TLR10: variants seen among roughly 807,000 people sequenced by gnomAD.
TLR10 encodes toll-like receptor 10.
For missense variants in TLR10, 929 were observed against 932.9 expected, an observed-to-expected ratio of 1.00 and a Z score of 0.05; for synonymous variants, 288 against 338.8, an observed-to-expected ratio of 0.85 and a Z score of 1.65.
At position 38,775,594 on chromosome 4, in the gene TLR10, A is replaced by G; in HGVS notation, c.-4T>C. ...AAATGTTTCTGATGAGTCTCATTGT[A>G]TTTCCAAGGATTTTACCACTTATTT... On this transcript the variant is annotated 5_prime_UTR_variant, in exon 4 of 4. Transcript: ENST00000308973. 6.3e-7 allele frequency: 1 copy of G among 1,584,848 alleles called. No individual in the cohort carries two copies. The highest frequency in any genetic ancestry group is 8.6e-7 in the Non-Finnish European group (1 of 1,165,474).
chr4:38,780,886 T>C (rs913007673), intron 1 of TLR10, among the ~76,000 whole-genome samples: 1 of 152,226 alleles, frequency 6.6e-6, no homozygotes, highest in African/African-American at 2.4e-5. Flanking sequence ...GTGCTTTTAA[T>C]GTTATCCTCT....
Position 38,774,287 on chromosome 4 carries a change from T to A in TLR10, c.1304A>T (p.Asp435Val). Residue 435 changes from aspartate (D) to valine (V), a missense_variant, in exon 4 of 4, where the codon GAT (aspartate) becomes GTT (valine). Coordinates refer to ENST00000308973, the MANE Select transcript of TLR10 (RefSeq NM_030956.4). ...TTTGGGCAAGCACCTGAAGACAGAATCAGACAATTTATTGTATGACAGATT... is the reference window on the plus strand; with the variant it reads ...TTTGGGCAAGCACCTGAAGACAGAAACAGACAATTTATTGTATGACAGATT... ...NMNLSYNKLS[D>V]SVFRCLPKSI... 6.2e-7 allele frequency: 1 copy of A among 1,613,282 alleles called. No individual in the cohort carries two copies. Among genetic ancestry groups the A allele is most frequent in the Non-Finnish European group, 8.5e-7 (1 of 1,179,784 alleles).
intron 1 of TLR10, among the ~76,000 whole-genome samples, chr4:38,778,660 C>T (rs11466620): frequency 0.021 from 3,240 of 152,208 alleles, 118 homozygotes; most frequent in African/African-American, 0.071. Context: ...TCTCTGAAGG[C>T]ACCAAGAGCA....
chr4:38,775,819 A>T lies in TLR10; in HGVS notation c.-107T>A, dbSNP rs1464253289. Reference sequence around the variant, plus strand: ...CTTGATCTCAGAGCATTGGCTGAGAAGTCTCCAAGCTGGCTACTGTGCCAT... The same window carrying T: ...CTTGATCTCAGAGCATTGGCTGAGATGTCTCCAAGCTGGCTACTGTGCCAT... On this transcript the variant is annotated 5_prime_UTR_variant, in exon 3 of 4. Coordinates refer to ENST00000308973, the MANE Select transcript of TLR10 (RefSeq NM_030956.4). 4 of 389,540 alleles carry T rather than the reference A, an allele frequency of 1.0e-5. No individual in the cohort carries two copies. The highest frequency in any genetic ancestry group is 1.4e-5 in the Non-Finnish European group (3 of 221,832). The allele number at this position is 389,540 out of a possible 1,614,324, so 24.1% of individuals were successfully genotyped here.
intron 1 of TLR10, among the ~76,000 whole-genome samples, chr4:38,777,933 G>T (rs1725158237): frequency 6.6e-6 from 1 of 152,178 alleles, no homozygotes; most frequent in Non-Finnish European, 1.5e-5. Context: ...ATTTGATCCT[G>T]CAATGCCATT....
chr4:38,778,449 TAAAC>T (rs143881488), intron 1 of TLR10, among the ~76,000 whole-genome samples: 8 of 151,688 alleles, frequency 5.3e-5, no homozygotes, highest in African/African-American at 1.5e-4. Context: ...AATAAATAAA[TAAAC>T]AAACAAACAA....
intron 1 of TLR10, among the ~76,000 whole-genome samples, chr4:38,780,736 AT>A (rs1725356004): frequency 6.6e-6 from 1 of 152,218 alleles, no homozygotes; most frequent in African/African-American, 2.4e-5. Flanking sequence ...AAAAATGAAA[AT>A]TAATGCAAAA....
rs1724751331 is a variant in TLR10 at position 38,773,254 on chromosome 4, T to TA, written c.2336dup (p.Leu780IlefsTer8). ...GTTCATACATTTCTCTGGTGGCTAA[T>TA]ACATTAACATTAATAGCAGCTCGAA... On this transcript the variant is annotated frameshift_variant, in exon 4 of 4. Coordinates refer to ENST00000308973, the MANE Select transcript of TLR10 (RefSeq NM_030956.4). LOFTEE classifies it low-confidence loss of function (END_TRUNC). The TA allele has an allele frequency of 2.5e-6, 4 of 1,610,140 alleles. No individual in the cohort carries two copies. In the South Asian group the frequency reaches 4.4e-5, roughly 18 times the overall value.
In TLR10 at chr4:38,775,329, C is replaced by A. The variant is rs1351486280; in HGVS notation, c.262G>T (p.Asp88Tyr). ...ILCHNRIQQL[D>Y]LKTFEFNKEL... is the part of the protein sequence containing the mutation. ...TTGTTGAATTCAAAGGTTTTGAGATCCAGCTGTTGAATTCTGTTATGGCAT... is the reference window on the plus strand; with the variant it reads ...TTGTTGAATTCAAAGGTTTTGAGATACAGCTGTTGAATTCTGTTATGGCAT... Residue 88 changes from aspartate (D) to tyrosine (Y), a missense_variant, in exon 4 of 4, where the codon GAT becomes TAT. Coordinates refer to ENST00000308973, the MANE Select transcript of TLR10 (RefSeq NM_030956.4). The A allele has an allele frequency of 6.2e-7, 1 of 1,614,044 alleles. No homozygotes were observed. Among genetic ancestry groups the A allele is most frequent in the South Asian group, 1.1e-5 (1 of 91,062 alleles).
rs765764230 is a variant in TLR10 at position 38,773,342 on chromosome 4, T to C, written c.2249A>G (p.Glu750Gly). The change falls in exon 4 of 4, where the codon GAA becomes GGA. Residue 750 changes from glutamate (E) to glycine (G), a missense_variant. By Grantham distance (98) the Glu-to-Gly change is moderately conservative (BLOSUM62 -2). Coordinates refer to ENST00000308973, the MANE Select transcript of TLR10 (RefSeq NM_030956.4). The part of the protein sequence containing the change: ...TRYHKLKALL[E>G]KKAYLEWPKD... ...GGGCCATTCCAAGTATGCTTTTTTTTCCAGGAGAGCTTTCAGTTTATGATA... is the reference window on the plus strand; with the variant it reads ...GGGCCATTCCAAGTATGCTTTTTTTCCCAGGAGAGCTTTCAGTTTATGATA... 6.2e-7 allele frequency: 1 copy of C among 1,613,810 alleles called. No individual in the cohort carries two copies. The highest frequency in any genetic ancestry group is 8.5e-7 in the Non-Finnish European group (1 of 1,179,960).
chr4:38,775,592 G>T lies in TLR10; in HGVS notation c.-2C>A. On this transcript the variant is annotated 5_prime_UTR_variant, in exon 4 of 4. Transcript: ENST00000308973. ...GTAAATGTTTCTGATGAGTCTCATT[G>T]TATTTCCAAGGATTTTACCACTTAT... 2.5e-6 allele frequency: 4 copies of T among 1,590,774 alleles called. No individual in the cohort carries two copies. Among genetic ancestry groups the T allele is most frequent in the Non-Finnish European group, 3.4e-6 (4 of 1,168,312 alleles).
intron 1 of TLR10, among the ~76,000 whole-genome samples, chr4:38,779,440 G>C (rs1725259954): frequency 6.6e-6 from 1 of 152,108 alleles, no homozygotes; most frequent in East Asian, 1.9e-4. Context: ...AGAGTGTAAT[G>C]TATACTAAAA....
At position 38,774,658 on chromosome 4, in the gene TLR10, C is replaced by G; in HGVS notation, c.933G>C (p.Val311=). ...AGATTTTATCCTGTTGAATGTAAAA[C>G]ACTCTGAAATGTACATGCTCCAATT... ...TIKLEHVHFR[V]FYIQQDKIYL... Residue 311 remains valine, a synonymous_variant, in exon 4 of 4, where the codon GTG becomes GTC. Transcript: ENST00000308973. 1 of 1,564,246 alleles carries G rather than the reference C, an allele frequency of 6.4e-7. No individual in the cohort carries two copies. Among genetic ancestry groups the G allele is most frequent in the Non-Finnish European group, 8.6e-7 (1 of 1,160,932 alleles).
intron 1 of TLR10, among the ~76,000 whole-genome samples, chr4:38,780,799 G>A (rs7658893): frequency 0.33 from 50,785 of 152,092 alleles, 9,905 homozygotes; most frequent in East Asian, 0.5. Flanking sequence ...GATCAGTATT[G>A]CTGATTGTTT....
At chr4:38,781,893 T>TG (rs909842329) in intron 1 of TLR10, among the ~76,000 whole-genome samples, 3 of 152,164 alleles carry the variant, frequency 2.0e-5, no homozygotes, top group African/African-American at 7.2e-5. Flanking sequence ...AATCCCTCAA[T>TG]GACTCAACAA....
At chr4:38,780,460 A>T (rs1579184118) in intron 1 of TLR10, among the ~76,000 whole-genome samples, 1 of 150,716 alleles carries the variant, frequency 6.6e-6, no homozygotes, top group Admixed American at 6.6e-5. Context: ...TTCAAATCCA[A>T]TGTTAACCAT....
rs1008727771 is a variant in TLR10, at chr4:38,773,683, T to C, written c.1908A>G (p.Ala636=). 1.9e-6 allele frequency: 3 copies of C among 1,613,314 alleles called. No individual in the cohort carries two copies. Among genetic ancestry groups the C allele is most frequent in the Middle Eastern group, 1.7e-4 (1 of 6,058 alleles). ...EQLKRNVRFH[A]FISYSEHDSL... is the part of the protein sequence containing the mutation. The stretch of plus-strand genomic sequence containing the variant: ...AATCATGTTCACTGTATGAAATAAA[T>C]GCGTGGAATCGGACATTTCTCTTGA... Residue 636 remains alanine, a synonymous_variant, in exon 4 of 4, where the codon GCA becomes GCG. Coordinates refer to ENST00000308973, the MANE Select transcript of TLR10 (RefSeq NM_030956.4).
chr4:38,782,529 C>G (rs190707906), intron 1 of TLR10, among the ~76,000 whole-genome samples: 1 of 152,298 alleles, frequency 6.6e-6, no homozygotes, highest in East Asian at 1.9e-4. Context: ...AAATGCAGAA[C>G]TTTTCAACGG....
rs189314747 is a variant in TLR10, at chr4:38,780,444, T to A, written c.-569+2477A>T. 5.3e-5 allele frequency among the ~76,000 whole-genome samples: 8 copies of A among 151,756 alleles called. No homozygotes were observed. The East Asian group carries it at 7.8e-4, about 15-fold the overall frequency. On this transcript the variant is annotated intron_variant, in intron 1 of 3. Coordinates refer to ENST00000308973, the MANE Select transcript of TLR10 (RefSeq NM_030956.4). ...AAGTTTGGTTTTAGTGATTGATGGA[T>A]CTGTGTTCAAATCCAATGTTAACCA... is the stretch of plus-strand genomic sequence containing the variant.
Sources: gnomAD v4.1 joint callset for allele counts (sites outside exome capture counted in the v4.1 genomes callset) on GRCh38, gnomAD v4.1.1 for gene constraint, MANE v1.5 for transcripts, NCBI Gene and HGNC (gene_info 2026-07-23, HGNC 2026-07-21) for gene names.